KIT: variants seen among roughly 807,000 people sequenced by gnomAD.
KIT encodes KIT proto-oncogene, receptor tyrosine kinase, also known as mast/stem cell growth factor receptor Kit.
KIT carries 16 observed loss-of-function variants against 105.7 expected under a neutral mutation model. The ratio of observed to expected loss-of-function variants is 0.15; its 90% confidence interval spans 0.10 to 0.23. The LOEUF (loss-of-function observed/expected upper bound fraction) is 0.23. KIT is among the 10% of genes least tolerant of loss of function. The pLI is 1.00. For missense variants in KIT, 858 were observed against 1,213.8 expected (o/e 0.71, Z 4.36); for synonymous variants, 438 against 441.1 (o/e 0.99, Z 0.09).
chr4:54,716,028 C>T (rs1721470344), intron 7 of KIT, among the ~76,000 whole-genome samples: 2 of 152,106 alleles, frequency 1.3e-5, no homozygotes. Flanking sequence ...TTTTTCTTTC[C>T]ATTTTTTAAA....
intron 7 of KIT, among the ~76,000 whole-genome samples, chr4:54,721,457 C>T (rs76619398): frequency 0.061 from 9,227 of 152,300 alleles, 902 homozygotes; most frequent in African/African-American, 0.21. Flanking sequence ...TTTCGCAAGA[C>T]GATGGCTTGT....
chr4:54,681,511 T>A (rs1213309965), intron 1 of KIT, among the ~76,000 whole-genome samples: 1 of 152,084 alleles, frequency 6.6e-6, no homozygotes, highest in Non-Finnish European at 1.5e-5. Context: ...TAGGTTGTAT[T>A]TTTGTTAGGA....
chr4:54,682,450 G>A (rs1719008298), intron 1 of KIT, among the ~76,000 whole-genome samples: 1 of 150,654 alleles, frequency 6.6e-6, no homozygotes, highest in Admixed American at 6.6e-5. Flanking sequence ...TTTTTTTGAG[G>A]TGGAGTCTTG....
chr4:54,709,253 T>C (rs2109713387), intron 6 of KIT, among the ~76,000 whole-genome samples, 171 bp from the exon 7 acceptor site: 1 of 152,332 alleles, frequency 6.6e-6, no homozygotes, highest in Non-Finnish European at 1.5e-5. Context: ...AGATGGAATA[T>C]GTGTGTGCGT....
intron 1 of KIT, among the ~76,000 whole-genome samples, chr4:54,684,380 G>A (rs1719164439): frequency 1.3e-5 from 2 of 152,164 alleles, no homozygotes; most frequent in Non-Finnish European, 2.9e-5. Flanking sequence ...TCCAAAAAAA[G>A]GGGGGCTTGA....
chr4:54,669,980 C>T (rs1233486373), intron 1 of KIT, among the ~76,000 whole-genome samples: 12 of 152,124 alleles, frequency 7.9e-5, no homozygotes, highest in Admixed American at 7.9e-4. Flanking sequence ...CAGTGCTGCC[C>T]TCCAGAGGGC....
chr4:54,697,116 G>A (rs565542004), intron 2 of KIT, among the ~76,000 whole-genome samples: 57 of 152,298 alleles, frequency 3.7e-4, no homozygotes, highest in African/African-American at 1.3e-3. Flanking sequence ...GGAAGGTGGG[G>A]CATCATTGTA....
At chr4:54,671,576 T>G (rs978916332) in intron 1 of KIT, among the ~76,000 whole-genome samples, 4 of 152,200 alleles carry the variant, frequency 2.6e-5, no homozygotes, top group Admixed American at 2.6e-4. Context: ...ACAGTAATTA[T>G]CACTGGTTAG....
intron 15 of KIT, 31 bp downstream of exon 15, chr4:54,731,450 T>G: frequency 7.2e-7 from 1 of 1,388,832 alleles, no homozygotes; most frequent in Non-Finnish European, 1.0e-6. Flanking sequence ...CAACCAAGAG[T>G]AACTTTACAG....
At chr4:54,685,561 A>G (rs142858374) in intron 1 of KIT, among the ~76,000 whole-genome samples, 1 of 151,960 alleles carries the variant, frequency 6.6e-6, no homozygotes, top group Non-Finnish European at 1.5e-5. Flanking sequence ...CCTTTCTCCA[A>G]TTCTGTTCCC....
At chr4:54,737,315 T>C (rs376452866) in intron 20 of KIT, 35 bp downstream of exon 20, 84 of 1,362,792 alleles carry the variant, frequency 6.2e-5, no homozygotes, top group East Asian at 5.7e-4. Flanking sequence ...GAATCCCCCT[T>C]CTCCCAGTTC....
intron 7 of KIT, among the ~76,000 whole-genome samples, chr4:54,713,261 C>T (rs554727877): frequency 1.3e-5 from 2 of 152,076 alleles, no homozygotes; most frequent in Non-Finnish European, 2.9e-5. Flanking sequence ...CCTCACCCCC[C>T]TCCCACCCTT....
chr4:54,734,548 C>G (rs1370823408), intron 17 of KIT, among the ~76,000 whole-genome samples: 2 of 152,192 alleles, frequency 1.3e-5, no homozygotes, highest in African/African-American at 2.4e-5. Flanking sequence ...GGGGTTGGCT[C>G]TATCAGGCTT....
chr4:54,724,025 G>A (rs1288587421), intron 8 of KIT, among the ~76,000 whole-genome samples: 3 of 152,222 alleles, frequency 2.0e-5, no homozygotes, highest in African/African-American at 7.2e-5. Context: ...AGGAGGTAAT[G>A]TGTGTGGGAA....
intron 7 of KIT, among the ~76,000 whole-genome samples, chr4:54,718,578 G>C (rs1267391110): frequency 6.6e-6 from 1 of 152,222 alleles, no homozygotes; most frequent in Non-Finnish European, 1.5e-5. Flanking sequence ...CAGCTGCAGA[G>C]TTGAGTTGCA....
chr4:54,674,963 A>G (rs547680082), intron 1 of KIT, among the ~76,000 whole-genome samples: 2 of 152,228 alleles, frequency 1.3e-5, no homozygotes, highest in Admixed American at 6.5e-5. Flanking sequence ...ATATCATCTA[A>G]TAAAGATAAC....
chr4:54,722,469 G>A (rs1442930839), intron 7 of KIT, among the ~76,000 whole-genome samples: 19 of 152,134 alleles, frequency 1.2e-4, no homozygotes, highest in Non-Finnish European at 2.9e-5. Flanking sequence ...AAAGAACTGA[G>A]AAATGTAAGA....
chr4:54,723,865 G>C lies in KIT; in HGVS notation c.1346+167G>C, dbSNP rs549924483. Among the ~76,000 whole-genome samples, 38 of 151,958 alleles carry C rather than the reference G, an allele frequency of 2.5e-4. 1 individual carries two copies. In the East Asian group the frequency reaches 7.2e-3, roughly 29 times the overall value. ...AAGGGATAATTGCTATATTTTTCTTGGTAGACATTAATTTTGTTTGCTGAA... is the reference window on the plus strand; with the variant it reads ...AAGGGATAATTGCTATATTTTTCTTCGTAGACATTAATTTTGTTTGCTGAA... On this transcript the variant is annotated intron_variant, in intron 8 of 20. Transcript: ENST00000288135.
At position 54,685,941 on chromosome 4, in the gene KIT, C is replaced by G. The variant is rs1719282785; in HGVS notation, c.68-9571C>G. Among the ~76,000 whole-genome samples, 3 of 152,194 alleles carry G rather than the reference C, an allele frequency of 2.0e-5. No individual in the cohort carries two copies. In the South Asian group the frequency reaches 6.2e-4, roughly 31 times the overall value. ...TACATAATACTCTGCCCTGTTTTAGCCTGTACTTGCTTCATTGTATGGTAA... is the reference window on the plus strand; with the variant it reads ...TACATAATACTCTGCCCTGTTTTAGGCTGTACTTGCTTCATTGTATGGTAA... On this transcript the variant is annotated intron_variant, in intron 1 of 20. Coordinates refer to ENST00000288135, the MANE Select transcript of KIT (RefSeq NM_000222.3).
Sources: allele counts gnomAD v4.1 joint callset (sites outside exome capture counted in the v4.1 genomes callset), GRCh38; gene constraint gnomAD v4.1.1; transcripts MANE v1.5; gene names NCBI Gene and HGNC (gene_info 2026-07-23, HGNC 2026-07-21).